Variants in PLCE1 observed in about 807,000 individuals in gnomAD.
PLCE1 encodes phospholipase C epsilon 1, also known as 1-phosphatidylinositol 4,5-bisphosphate phosphodiesterase epsilon-1.
In PLCE1, 119 loss-of-function variants were observed where a neutral mutation model predicts 242.8. That is an observed-to-expected ratio of 0.49 (90% confidence interval 0.42 to 0.57). The LOEUF (loss-of-function observed/expected upper bound fraction) is 0.57. Among genes scored for constraint, PLCE1 ranks in the 20% least tolerant of loss-of-function variants. The pLI is 0.00. For missense variants in PLCE1, 2,441 were observed against 2,788.8 expected, an observed-to-expected ratio of 0.88 and a Z score of 2.81; for synonymous variants, 945 against 1,017.4, an observed-to-expected ratio of 0.93 and a Z score of 1.35.
intron 30 of PLCE1, among the ~76,000 whole-genome samples, chr10:94,322,587 C>T (rs1233907618): frequency 6.6e-6 from 1 of 152,044 alleles, no homozygotes; most frequent in African/African-American, 2.4e-5. Flanking sequence ...GAGTTCGAGA[C>T]CAGCCTGGCC....
chr10:94,011,766 C>CT (rs113738465), intron 1 of PLCE1, among the ~76,000 whole-genome samples: 2,355 of 151,536 alleles, frequency 0.016, 27 homozygotes, highest in African/African-American at 0.032. Context: ...TAGCCTCTTC[C>CT]TTTTTTTTTC....
intron 2 of PLCE1, among the ~76,000 whole-genome samples, chr10:94,129,430 GGAGAA>G (rs2046529168): frequency 6.6e-6 from 1 of 152,164 alleles, no homozygotes; most frequent in African/African-American, 2.4e-5. Flanking sequence ...ATCTCCAAAA[GGAGAA>G]GAGATTTACT....
rs577454482 is a variant in PLCE1 at position 94,163,626 on chromosome 10, T to C, written c.1493-7554T>C. Among the ~76,000 whole-genome samples the C allele has an allele frequency of 1.2e-3, 184 of 152,268 alleles. 2 individuals carry two copies. The highest frequency in any genetic ancestry group is 4.8e-3 in the Admixed American group (74 of 15,300). On this transcript the variant is annotated intron_variant, in intron 3 of 32. Transcript: ENST00000371380. ...TCTTTATCCAATTTGCCAGTCTGTG[T>C]CTTTTAATTGGAGCATTTAGCCCAT...
chr10:94,311,008 G>A (rs1329960993), intron 27 of PLCE1, among the ~76,000 whole-genome samples: 1 of 152,186 alleles, frequency 6.6e-6, no homozygotes, highest in Non-Finnish European at 1.5e-5. Flanking sequence ...GAACTCACAA[G>A]AGTGCTTTGC....
intron 2 of PLCE1, among the ~76,000 whole-genome samples, chr10:94,085,809 A>G (rs780209999): frequency 2.0e-5 from 3 of 152,202 alleles, no homozygotes; most frequent in Admixed American, 6.5e-5. Flanking sequence ...CAGGCTGATC[A>G]TCCAGGGCCT....
chr10:94,149,804 G>A (rs2047218393), intron 3 of PLCE1, among the ~76,000 whole-genome samples: 1 of 152,152 alleles, frequency 6.6e-6, no homozygotes, highest in Non-Finnish European at 1.5e-5. Context: ...TTGACCAGAA[G>A]GAAGTTCTGG....
chr10:94,092,335 G>A (rs994294359), intron 2 of PLCE1, among the ~76,000 whole-genome samples: 7 of 152,078 alleles, frequency 4.6e-5, no homozygotes, highest in Non-Finnish European at 1.0e-4. Context: ...AACAACCGAC[G>A]CTAAACACTT....
intron 23 of PLCE1, among the ~76,000 whole-genome samples, chr10:94,297,263 C>T (rs1017128110): frequency 6.6e-6 from 1 of 151,788 alleles, no homozygotes; most frequent in African/African-American, 2.4e-5. Flanking sequence ...ATGTCAGTAT[C>T]GTTGTGTCTC....
At chr10:94,214,480 A>T (rs80295130) in intron 4 of PLCE1, among the ~76,000 whole-genome samples, 2,768 of 152,098 alleles carry the variant, frequency 0.018, 43 homozygotes, top group African/African-American at 0.05. Flanking sequence ...TGATTTAATT[A>T]TCTTCTTCTT....
intron 14 of PLCE1, among the ~76,000 whole-genome samples, chr10:94,263,769 TTTCTTTAACATATTATATGTTC>T (rs1281650755): frequency 3.9e-5 from 6 of 152,206 alleles, no homozygotes; most frequent in African/African-American, 1.2e-4. Context: ...ATAATATGTT[TTTCTTTAACATATTATATGTTC>T]TTCTTTAACA....
chr10:94,084,887 G>A (rs1270878564), intron 2 of PLCE1, among the ~76,000 whole-genome samples: 1 of 152,266 alleles, frequency 6.6e-6, no homozygotes, highest in East Asian at 1.9e-4. Context: ...GTATGTTGCT[G>A]TTTAATTTTA....
At chr10:94,272,439 C>T (rs769562929) in intron 18 of PLCE1, among the ~76,000 whole-genome samples, 3 of 152,104 alleles carry the variant, frequency 2.0e-5, no homozygotes, top group African/African-American at 2.4e-5. Flanking sequence ...TCCCTAAAAT[C>T]GCTGTTATTC....
chr10:94,019,543 A>G (rs11187767), intron 1 of PLCE1, among the ~76,000 whole-genome samples: 29,837 of 152,188 alleles, frequency 0.2, 3,589 homozygotes, highest in Non-Finnish European at 0.26. Context: ...TTAGAGCAGC[A>G]CTGTCCTGTA....
At chr10:94,179,356 C>G (rs370896042) in intron 4 of PLCE1, among the ~76,000 whole-genome samples, 1 of 151,948 alleles carries the variant, frequency 6.6e-6, no homozygotes, top group Admixed American at 6.6e-5. Flanking sequence ...CAGAGTAACA[C>G]GTAGGGCTGA....
At chr10:94,122,710 G>A (rs2135789196) in intron 2 of PLCE1, among the ~76,000 whole-genome samples, 1 of 152,246 alleles carries the variant, frequency 6.6e-6, no homozygotes, top group East Asian at 1.9e-4. Flanking sequence ...TCAGATGGAT[G>A]GTACAGTCAG....
At position 94,281,626 on chromosome 10, in the gene PLCE1, T is replaced by C. The variant is rs576373573; in HGVS notation, c.4795+1715T>C. ...TACCTGGGGCAATGTCTTCACCACC[T>C]TAGGCCTTAGATGCCTCAGATATGT... On this transcript the variant is annotated intron_variant, in intron 20 of 32. Coordinates refer to ENST00000371380, the MANE Select transcript of PLCE1 (RefSeq NM_016341.4). 2.6e-4 allele frequency among the ~76,000 whole-genome samples: 40 copies of C among 152,302 alleles called. No homozygotes were observed. The South Asian group carries it at 5.4e-3, about 21-fold the overall frequency.
intron 2 of PLCE1, among the ~76,000 whole-genome samples, chr10:94,034,119 A>T (rs1003042932): frequency 4.6e-5 from 7 of 152,154 alleles, no homozygotes; most frequent in Admixed American, 2.0e-4. Context: ...GGGAACACCC[A>T]TGTATAAAAC....
intron 16 of PLCE1, among the ~76,000 whole-genome samples, chr10:94,266,165 A>T (rs887274258): frequency 5.9e-5 from 9 of 152,002 alleles, no homozygotes; most frequent in African/African-American, 2.2e-4. Flanking sequence ...GTTTTCCCCC[A>T]TCTATACTTA....
chr10:94,207,490 CAAAT>C (rs748637525), intron 4 of PLCE1, among the ~76,000 whole-genome samples: 3 of 146,836 alleles, frequency 2.0e-5, no homozygotes, highest in Non-Finnish European at 3.0e-5. Context: ...TCTATATACA[CAAAT>C]AAATGAGGGA....
Sources: allele counts gnomAD v4.1 joint callset (sites outside exome capture counted in the v4.1 genomes callset), GRCh38; gene constraint gnomAD v4.1.1; transcripts MANE v1.5; gene names NCBI Gene and HGNC (gene_info 2026-07-23, HGNC 2026-07-21).